The following DCDC1 variants were observed in gnomAD, a reference collection of about 807,000 sequenced individuals.
DCDC1 encodes doublecortin domain containing 1.
DCDC1 carries 200 observed loss-of-function variants against 178.3 expected under a neutral mutation model. That is an observed-to-expected ratio of 1.12 (90% CI 1.00 to 1.26). The LOEUF (loss-of-function observed/expected upper bound fraction) is 1.26, where lower values mean the gene tolerates loss of function less well. DCDC1 is among the 50% of genes most tolerant of loss of function. The pLI is 0.00. For missense variants in DCDC1, 1,983 were observed against 1,749.2 expected (o/e 1.13, Z -2.38); for synonymous variants, 690 against 604.8 (o/e 1.14, Z -2.07).
intron 17 of DCDC1, among the ~76,000 whole-genome samples, chr11:31,086,309 C>G (rs908079025): frequency 6.6e-6 from 1 of 152,134 alleles, no homozygotes; most frequent in African/African-American, 2.4e-5. Context: ...AGTGATGCTT[C>G]ATTGTAGGTT....
chr11:31,120,731 T>C (rs1316488268), intron 11 of DCDC1, among the ~76,000 whole-genome samples: 1 of 152,128 alleles, frequency 6.6e-6, no homozygotes, highest in African/African-American at 2.4e-5. Context: ...CATTCCCTCA[T>C]GCTTTCTCCC....
Position 31,094,159 on chromosome 11 carries a change from G to C in DCDC1, c.2009C>G (p.Ala670Gly), listed in dbSNP as rs1355615424. 3 of 766,066 alleles carry C rather than the reference G, an allele frequency of 3.9e-6. No homozygotes were observed. The highest frequency in any genetic ancestry group is 7.2e-6 in the Non-Finnish European group (3 of 417,794). The allele number at this position is 766,066 out of a possible 1,614,324, so 47.5% of individuals were successfully genotyped here. A position where few individuals can be genotyped will look rare whatever the true frequency, so the allele number is the denominator to read the frequency against. The change falls in exon 16 of 39, where the codon GCC (alanine) becomes GGC (glycine). Residue 670 changes from alanine to glycine, a missense_variant. By Grantham distance (60) the Ala-to-Gly change is moderately conservative. Coordinates refer to ENST00000684477, the MANE Select transcript of DCDC1 (RefSeq NM_001387274.1). ...NKVDPNIVLHASVSIGKWSFS... is the reference protein window; with the variant it reads ...NKVDPNIVLHGSVSIGKWSFS... ...ACTCCACTTTCCAATGGAAACAGAGGCATGAAGGACAATATTGGGATCTAC... is the reference window on the plus strand; with the variant it reads ...ACTCCACTTTCCAATGGAAACAGAGCCATGAAGGACAATATTGGGATCTAC...
intron 9 of DCDC1, among the ~76,000 whole-genome samples, chr11:31,231,706 C>CA (rs398115233): frequency 0.3 from 44,771 of 150,654 alleles, 7,997 homozygotes; most frequent in East Asian, 0.63. Context: ...GGAGGGAACA[C>CA]AAAAAAAAAT....
chr11:31,341,810 T>TACACACACACAC (rs775832478), intron 1 of DCDC1, among the ~76,000 whole-genome samples: 2 of 62,588 alleles, frequency 3.2e-5, no homozygotes, highest in African/African-American at 2.1e-4. Flanking sequence ...AATGCATGAC[T>TACACACACACAC]ATACACACAC....
At chr11:31,214,453 C>G (rs1174287622) in intron 9 of DCDC1, among the ~76,000 whole-genome samples, 2 of 152,008 alleles carry the variant, frequency 1.3e-5, no homozygotes, top group African/African-American at 4.8e-5. Context: ...ATTCACTCTG[C>G]TGCACACAGC....
chr11:31,154,702 T>C (rs747235398), intron 9 of DCDC1, among the ~76,000 whole-genome samples: 1 of 152,136 alleles, frequency 6.6e-6, no homozygotes, highest in Non-Finnish European at 1.5e-5. Flanking sequence ...AATATATAAA[T>C]ATAAATAAAG....
chr11:30,917,558 T>C (rs1272392189), intron 25 of DCDC1, among the ~76,000 whole-genome samples: 3 of 152,192 alleles, frequency 2.0e-5, no homozygotes, highest in East Asian at 1.9e-4. Flanking sequence ...TAGAGAATAA[T>C]ATACTAAACA....
chr11:31,028,152 AAC>A (rs1320491078), intron 20 of DCDC1, among the ~76,000 whole-genome samples: 1 of 151,972 alleles, frequency 6.6e-6, no homozygotes, highest in African/African-American at 2.4e-5. Flanking sequence ...TATTTTTTCT[AAC>A]ACAGATAAAG....
chr11:31,057,165 CA>C (rs1955636810), intron 20 of DCDC1, among the ~76,000 whole-genome samples: 3 of 150,000 alleles, frequency 2.0e-5, no homozygotes, highest in African/African-American at 7.4e-5. Context: ...ACTCGGGAGG[CA>C]GAGGTTGCAG....
chr11:31,209,072 C>A (rs146094846), intron 9 of DCDC1, among the ~76,000 whole-genome samples: 1 of 152,072 alleles, frequency 6.6e-6, no homozygotes, highest in East Asian at 1.9e-4. Flanking sequence ...TAAATACATG[C>A]CATTGAACAT....
chr11:30,917,060 A>C, intron 25 of DCDC1, 32 bp from the exon 26 acceptor site: 1 of 1,562,840 alleles, frequency 6.4e-7, no homozygotes. Context: ...CATAAGTCTA[A>C]GAAATCTCAT....
At chr11:31,137,383 G>A (rs189153121) in intron 10 of DCDC1, among the ~76,000 whole-genome samples, 6 of 138,020 alleles carry the variant, frequency 4.3e-5, no homozygotes, top group African/African-American at 1.4e-4. Flanking sequence ...ACGGAGTCTC[G>A]CTGTTGCCCA....
rs1316824451 is a variant in DCDC1 at position 31,008,489 on chromosome 11, A to G, written c.2592-55921T>C. On this transcript the variant is annotated intron_variant, in intron 20 of 38. Coordinates refer to ENST00000684477, the MANE Select transcript of DCDC1 (RefSeq NM_001387274.1). ...GAGCTCATCTGAAGCACCTGTCGCA[A>G]TGCTGAGCCCAGGTTTCAGAGCTGC... Among the ~76,000 whole-genome samples the G allele has an allele frequency of 2.0e-5, 3 of 152,300 alleles. No individual in the cohort carries two copies. In the South Asian group the frequency reaches 6.2e-4, roughly 32 times the overall value.
chr11:31,263,212 G>A (rs1340277252), intron 8 of DCDC1: 15 of 730,936 alleles, frequency 2.1e-5, no homozygotes, highest in Non-Finnish European at 3.1e-5. Flanking sequence ...TTTAATTCCA[G>A]GTGAACTGGA....
At chr11:30,955,177 G>A (rs144420737) in intron 20 of DCDC1, among the ~76,000 whole-genome samples, 50 of 152,094 alleles carry the variant, frequency 3.3e-4, no homozygotes, top group African/African-American at 1.0e-3. Flanking sequence ...TCATTCACAC[G>A]TCAATATCTT....
rs554650934 is a variant in DCDC1 at position 31,335,490 on chromosome 11, C to T, written c.-50G>A. On this transcript the variant is annotated 5_prime_UTR_variant, in exon 2 of 39. In the 5' UTR this introduces an upstream ATG that the reference lacks. Transcript: ENST00000684477. ...AATCACCCATCTTCTACATTAATCA[C>T]GCTGGGAGCTGCAGGCTGGAGCTGT... 3.3e-5 allele frequency: 5 copies of T among 152,348 alleles called. No homozygotes were observed. Among genetic ancestry groups the T allele is most frequent in the Admixed American group, 6.5e-5 (1 of 15,286 alleles). The allele number at this position is 152,348 out of a possible 1,614,324, so 9.4% of individuals were successfully genotyped here.
intron 18 of DCDC1, among the ~76,000 whole-genome samples, chr11:31,074,831 A>G (rs1956771465): frequency 6.6e-6 from 1 of 152,204 alleles, no homozygotes; most frequent in Non-Finnish European, 1.5e-5. Context: ...ATTACCATGA[A>G]TGGATCATAA....
intron 20 of DCDC1, among the ~76,000 whole-genome samples, chr11:30,988,937 A>G (rs1043541099): frequency 6.6e-6 from 1 of 152,206 alleles, no homozygotes; most frequent in East Asian, 1.9e-4. Flanking sequence ...CCTCCAGATG[A>G]AAGTGGCTGG....
chr11:30,997,556 T>C (rs183649447), intron 20 of DCDC1, among the ~76,000 whole-genome samples: 2 of 152,304 alleles, frequency 1.3e-5, no homozygotes, highest in Admixed American at 1.3e-4. Context: ...ATATAAGTAT[T>C]GTATGCCAGC....
Sources: allele counts gnomAD v4.1 joint callset (sites outside exome capture counted in the v4.1 genomes callset), GRCh38; gene constraint gnomAD v4.1.1; transcripts MANE v1.5; gene names NCBI Gene and HGNC (gene_info 2026-07-23, HGNC 2026-07-21).